Variants in EPB41L3 observed in about 807,000 individuals in gnomAD.
EPB41L3 encodes band 4.1-like protein 3.
EPB41L3 carries 57 observed loss-of-function variants against 127.1 expected under a neutral mutation model. The ratio of observed to expected loss-of-function variants is 0.45; its 90% CI spans 0.36 to 0.56. The LOEUF (loss-of-function observed/expected upper bound fraction) is 0.56. Among genes scored for constraint, EPB41L3 ranks in the 20% least tolerant of loss-of-function variants. The probability of loss-of-function intolerance (pLI) is 0.00; values close to 1 mark genes in which losing one functional copy is unlikely to be tolerated. For missense variants in EPB41L3, 1,273 were observed against 1,372.2 expected (o/e 0.93, Z 1.14); for synonymous variants, 572 against 549.5 (o/e 1.04, Z -0.57).
intron 13 of EPB41L3, 73 bp downstream of exon 13, chr18:5,415,745 C>A: frequency 7.0e-7 from 1 of 1,431,880 alleles, no homozygotes; most frequent in Non-Finnish European, 9.5e-7. Context: ...ACTATGGCAG[C>A]AGCCAGCTAA....
At chr18:5,583,385 A>G (rs2143286401) in intron 3 of EPB41L3, among the ~76,000 whole-genome samples, 1 of 152,340 alleles carries the variant, frequency 6.6e-6, no homozygotes, top group East Asian at 1.9e-4. Context: ...CCCTGTCCAG[A>G]AAGCCCACAG....
At chr18:5,403,402 A>G (rs945261800) in intron 16 of EPB41L3, among the ~76,000 whole-genome samples, 1 of 152,178 alleles carries the variant, frequency 6.6e-6, no homozygotes, top group African/African-American at 2.4e-5. Context: ...CATCATTATT[A>G]GCTTGCTGTA....
At chr18:5,431,108 A>G (rs998467667) in intron 8 of EPB41L3, 9 of 152,186 alleles carry the variant, frequency 5.9e-5, no homozygotes, top group Non-Finnish European at 1.0e-4. Flanking sequence ...CATAAAATAA[A>G]TGACTCTGAC....
In EPB41L3 at chr18:5,565,638, G is replaced by A. The variant is rs867455288; in HGVS notation, c.-306+46702C>T. ...CCCCCCTCCCCCCACCCCACAACAG[G>A]CCCCGGTGTGTGATGTTCCCCTTCC... is the stretch of plus-strand genomic sequence containing the variant. On this transcript the variant is annotated intron_variant, in intron 3 of 21. Transcript: ENST00000545076. Among the ~76,000 whole-genome samples the A allele has an allele frequency of 4.2e-3, 402 of 94,726 alleles. 3 individuals carry two copies. The highest frequency in any genetic ancestry group is 0.016 in the African/African-American group (383 of 24,024). The allele number at this position is 94,726 out of a possible 152,430, so 62.1% of individuals were successfully genotyped here. A position where few individuals can be genotyped will look rare whatever the true frequency, so the allele number is the denominator to read the frequency against.
rs1022112252 is a variant in EPB41L3, at chr18:5,610,024, A to G, written c.-306+2316T>C. ...TGAGTCTAACTGGAGGTGCCTGGGC[A>G]GTGTGCTCACAGGCACTGGGATGCT... is the stretch of plus-strand genomic sequence containing the variant. On this transcript the variant is annotated intron_variant, in intron 3 of 21. Transcript: ENST00000545076. 52 of 843,782 alleles carry G rather than the reference A, an allele frequency of 6.2e-5. No homozygotes were observed. The Admixed American group carries it at 8.7e-4, about 14-fold the overall frequency. 52.3% of individuals were successfully genotyped at this position (843,782 alleles called of 1,614,324 possible). A position where few individuals can be genotyped will look rare whatever the true frequency, so the allele number is the denominator to read the frequency against.
intron 3 of EPB41L3, among the ~76,000 whole-genome samples, chr18:5,563,803 T>C (rs1421743335): frequency 6.6e-6 from 1 of 152,214 alleles, no homozygotes; most frequent in Non-Finnish European, 1.5e-5. Context: ...AATTCTGTTG[T>C]GTACAGCTTA....
At chr18:5,414,395 TAA>T (rs1391410789) in intron 13 of EPB41L3, among the ~76,000 whole-genome samples, 1 of 151,746 alleles carries the variant, frequency 6.6e-6, no homozygotes, top group Non-Finnish European at 1.5e-5. Context: ...GACTTTTACT[TAA>T]AACACCTGTG....
chr18:5,402,330 AG>A (rs1396313320), intron 16 of EPB41L3, among the ~76,000 whole-genome samples: 4 of 151,580 alleles, frequency 2.6e-5, no homozygotes, highest in African/African-American at 9.7e-5. Flanking sequence ...AACAGAAATG[AG>A]AAACAGGAAG....
chr18:5,478,887 T>C (rs2087803534), intron 2 of EPB41L3, among the ~76,000 whole-genome samples: 1 of 152,230 alleles, frequency 6.6e-6, no homozygotes, highest in Non-Finnish European at 1.5e-5. Context: ...TCTGATAAAC[T>C]CTAAGACCTG....
chr18:5,448,561 G>A (rs1025313916), intron 3 of EPB41L3, among the ~76,000 whole-genome samples: 4 of 152,062 alleles, frequency 2.6e-5, no homozygotes, highest in African/African-American at 4.8e-5. Context: ...TCAAATCATT[G>A]GGTGTGGTTA....
At chr18:5,481,473 G>A (rs2088503385) in intron 2 of EPB41L3, among the ~76,000 whole-genome samples, 1 of 152,176 alleles carries the variant, frequency 6.6e-6, no homozygotes. Flanking sequence ...AATGATACTG[G>A]AAAAGTGAGA....
chr18:5,511,247 G>GA (rs938781639), intron 1 of EPB41L3, among the ~76,000 whole-genome samples: 37 of 151,786 alleles, frequency 2.4e-4, no homozygotes, highest in African/African-American at 8.0e-4. Flanking sequence ...GAGACAGGAG[G>GA]AAAAAACAAA....
chr18:5,592,148 T>G lies in EPB41L3; in HGVS notation c.-306+20192A>C, dbSNP rs77374993. Among the ~76,000 whole-genome samples, 856 of 152,278 alleles carry G rather than the reference T, an allele frequency of 5.6e-3. 10 individuals are homozygous for G. Among genetic ancestry groups the G allele is most frequent in the African/African-American group, 0.02 (811 of 41,570 alleles). On this transcript the variant is annotated intron_variant, in intron 3 of 21. Transcript: ENST00000545076. ...TGCAATTAGAAAAGTCATTCAAGTC[T>G]TTATTATTTTGTTAATTTTTAAATT... is the stretch of plus-strand genomic sequence containing the variant.
intron 12 of EPB41L3, among the ~76,000 whole-genome samples, chr18:5,418,994 C>T (rs74440272): frequency 0.015 from 2,327 of 152,198 alleles, 39 homozygotes; most frequent in South Asian, 0.042. Context: ...TATAAGCCTC[C>T]TGAAGGGTTT....
At chr18:5,614,016 C>T (rs1053755488) in intron 2 of EPB41L3, among the ~76,000 whole-genome samples, 1 of 152,186 alleles carries the variant, frequency 6.6e-6, no homozygotes, top group South Asian at 2.1e-4. Context: ...GGTCCTGAGA[C>T]CAAAACAGTT....
intron 1 of EPB41L3, among the ~76,000 whole-genome samples, chr18:5,623,195 A>C (rs1334209138): frequency 6.6e-6 from 1 of 152,140 alleles, no homozygotes; most frequent in Non-Finnish European, 1.5e-5. Context: ...CACACGTGTG[A>C]CCAAATGTTT....
At chr18:5,489,847 C>T (rs973790668) in intron 1 of EPB41L3, among the ~76,000 whole-genome samples, 1 of 152,212 alleles carries the variant, frequency 6.6e-6, no homozygotes, top group East Asian at 1.9e-4. Flanking sequence ...TCATCTTCTT[C>T]CTGGCTTCCC....
chr18:5,415,842 GT>G lies in EPB41L3; in HGVS notation c.2042del (p.Asp681AlafsTer41). 6.2e-7 allele frequency: 1 copy of G among 1,612,938 alleles called. No homozygotes were observed. The highest frequency in any genetic ancestry group is 2.2e-5 in the East Asian group (1 of 44,864). ...CCTCTTCCTCTGAACTGTCACTCGG[GT>G]CATTGTCTAGGGAGGCGCTCAAGGA... is the stretch of plus-strand genomic sequence containing the variant. The part of the protein sequence containing the change: ...AASLSASLDN[D>X]PSDSSEEETD... On this transcript the variant is annotated frameshift_variant, in exon 13 of 23. Transcript: ENST00000341928. LOFTEE classifies it high-confidence loss of function.
At chr18:5,524,342 T>C (rs1340189512) in intron 1 of EPB41L3, among the ~76,000 whole-genome samples, 2 of 152,060 alleles carry the variant, frequency 1.3e-5, no homozygotes, top group African/African-American at 2.4e-5. Context: ...TACAGGCACC[T>C]GCCACCACGC....
Sources: gnomAD v4.1 joint callset for allele counts (sites outside exome capture counted in the v4.1 genomes callset) on GRCh38, gnomAD v4.1.1 for gene constraint, MANE v1.5 for transcripts, NCBI Gene and HGNC (gene_info 2026-07-23, HGNC 2026-07-21) for gene names.